The following GALNT13 variants were observed in gnomAD, a reference collection of about 807,000 sequenced individuals.
GALNT13 encodes UDP-GalNAc:polypeptide N-acetylgalactosaminyltransferase 13.
GALNT13 carries 28 observed loss-of-function variants against 64.2 expected under a neutral mutation model. That is an observed-to-expected ratio of 0.44 (90% CI 0.32 to 0.60). The LOEUF (loss-of-function observed/expected upper bound fraction) is 0.60, where lower values mean the gene tolerates loss of function less well. Ranked by LOEUF, GALNT13 falls within the 20% of genes least tolerant of loss-of-function variation. The pLI is 0.05. For missense variants in GALNT13, 577 were observed against 669.8 expected, an observed-to-expected ratio of 0.86 and a Z score of 1.53; for synonymous variants, 214 against 224.6, an observed-to-expected ratio of 0.95 and a Z score of 0.42.
chr2:153,462,361 A>C, the GALNT13 span, among the ~76,000 whole-genome samples: 8 of 152,210 alleles, frequency 5.3e-5, no homozygotes, highest in East Asian at 1.2e-3. Flanking sequence ...AGATGAAGGC[A>C]TTTTTTAAAT....
chr2:153,248,303 A>G, the GALNT13 span, among the ~76,000 whole-genome samples: 1 of 152,230 alleles, frequency 6.6e-6, no homozygotes, highest in Non-Finnish European at 1.5e-5. Flanking sequence ...AATCGATGTG[A>G]AAATCCTCAA....
At chr2:154,216,984 G>A (rs970927386) in intron 4 of GALNT13, among the ~76,000 whole-genome samples, 8 of 150,292 alleles carry the variant, frequency 5.3e-5, no homozygotes, top group Non-Finnish European at 7.4e-5. Context: ...TTAGAGATGG[G>A]GTCTTGCTGT....
chr2:153,126,338 A>ATATT, the GALNT13 span, among the ~76,000 whole-genome samples: 8 of 64,186 alleles, frequency 1.2e-4, no homozygotes, highest in African/African-American at 3.6e-4. Context: ...ATATATATAT[A>ATATT]TATATATATG....
chr2:153,240,333 T>G, the GALNT13 span, among the ~76,000 whole-genome samples: 1 of 152,206 alleles, frequency 6.6e-6, no homozygotes, highest in Non-Finnish European at 1.5e-5. Context: ...TGTGAATTGC[T>G]CTTTCTGTAT....
intron 3 of GALNT13, among the ~76,000 whole-genome samples, chr2:154,019,498 G>C (rs1464493638): frequency 1.3e-5 from 2 of 151,350 alleles, no homozygotes; most frequent in Non-Finnish European, 2.9e-5. Flanking sequence ...GCTGGGTGTG[G>C]TGACGCACAC....
At chr2:154,124,736 A>G (rs1427598301) in intron 3 of GALNT13, among the ~76,000 whole-genome samples, 1 of 152,088 alleles carries the variant, frequency 6.6e-6, no homozygotes, top group Non-Finnish European at 1.5e-5. Flanking sequence ...TAAATCAATG[A>G]CCATGAGGTT....
At chr2:153,552,234 A>C in the GALNT13 span, among the ~76,000 whole-genome samples, 1 of 152,240 alleles carries the variant, frequency 6.6e-6, no homozygotes, top group African/African-American at 2.4e-5. Flanking sequence ...AAAAGGCTTT[A>C]GAATAGTGAA....
chr2:153,447,395 A>G, the GALNT13 span, among the ~76,000 whole-genome samples: 1 of 152,180 alleles, frequency 6.6e-6, no homozygotes, highest in South Asian at 2.1e-4. Flanking sequence ...AGATAGGAGC[A>G]CTGATTATTT....
At chr2:154,227,646 C>G (rs1021959081) in intron 4 of GALNT13, among the ~76,000 whole-genome samples, 1 of 151,480 alleles carries the variant, frequency 6.6e-6, no homozygotes, top group Non-Finnish European at 1.5e-5. Flanking sequence ...CATGTCCCTA[C>G]GAAGGACATG....
chr2:153,241,657 ATGTGTATGTGTG>A, the GALNT13 span, among the ~76,000 whole-genome samples: 13 of 150,862 alleles, frequency 8.6e-5, no homozygotes, highest in Admixed American at 3.3e-4. Flanking sequence ...CTGTGTGTGT[ATGTGTATGTGTG>A]TGTGTGTGTA....
At chr2:153,345,772 T>TC in the GALNT13 span, among the ~76,000 whole-genome samples, 1 of 146,922 alleles carries the variant, frequency 6.8e-6, no homozygotes, top group Non-Finnish European at 1.5e-5. Context: ...CTTCCTTCCT[T>TC]CTTTCTCTCT....
In GALNT13 at chr2:154,196,922, G is replaced by A. The variant is rs1448413637; in HGVS notation, c.312-45108G>A. Among the ~76,000 whole-genome samples, 5 of 152,110 alleles carry A rather than the reference G, an allele frequency of 3.3e-5. No individual in the cohort carries two copies. In the East Asian group the frequency reaches 9.6e-4, roughly 29 times the overall value. On this transcript the variant is annotated intron_variant, in intron 4 of 12. Coordinates refer to ENST00000392825, the MANE Select transcript of GALNT13 (RefSeq NM_052917.4). ...GCATCATGGGTTCTAATCTTGATTGGTTTTTACTATTATTATATGTGTCCT... is the reference window on the plus strand; with the variant it reads ...GCATCATGGGTTCTAATCTTGATTGATTTTTACTATTATTATATGTGTCCT...
chr2:154,120,127 G>A (rs1448586441), intron 3 of GALNT13, among the ~76,000 whole-genome samples: 2 of 152,206 alleles, frequency 1.3e-5, no homozygotes, highest in East Asian at 3.9e-4. Flanking sequence ...TATAGCCTGT[G>A]ATTCTGGAAT....
At chr2:154,315,722 T>C (rs1160007814) in intron 9 of GALNT13, among the ~76,000 whole-genome samples, 1 of 152,232 alleles carries the variant, frequency 6.6e-6, no homozygotes, top group Non-Finnish European at 1.5e-5. Flanking sequence ...TACAAATTGA[T>C]TTAACTGGAG....
chr2:153,965,219 T>C (rs1693247375), intron 3 of GALNT13, among the ~76,000 whole-genome samples: 1 of 152,188 alleles, frequency 6.6e-6, no homozygotes, highest in African/African-American at 2.4e-5. Context: ...AATTCCTCTC[T>C]TCTAGTTATT....
At chr2:153,281,504 T>C in the GALNT13 span, among the ~76,000 whole-genome samples, 1 of 152,220 alleles carries the variant, frequency 6.6e-6, no homozygotes, top group East Asian at 1.9e-4. Context: ...AGTGTGTTTA[T>C]GTGGCAGTAG....
the GALNT13 span, among the ~76,000 whole-genome samples, chr2:153,572,010 G>A: frequency 6.6e-6 from 1 of 151,548 alleles, no homozygotes; most frequent in African/African-American, 2.4e-5. Flanking sequence ...TAGAATAGTT[G>A]GGTAGGGTTA....
intron 10 of GALNT13, among the ~76,000 whole-genome samples, chr2:154,408,725 T>G (rs554418130): frequency 1.3e-5 from 2 of 152,062 alleles, no homozygotes; most frequent in Admixed American, 6.6e-5. Context: ...GATACTATGC[T>G]ATAAACAGGG....
chr2:154,068,662 A>T (rs1026990942), intron 3 of GALNT13, among the ~76,000 whole-genome samples: 2 of 152,000 alleles, frequency 1.3e-5, no homozygotes, highest in Non-Finnish European at 2.9e-5. Flanking sequence ...TATTTGTGAG[A>T]GCTAAAAATT....
Sources: allele counts gnomAD v4.1 joint callset (sites outside exome capture counted in the v4.1 genomes callset), GRCh38; gene constraint gnomAD v4.1.1; transcripts MANE v1.5; gene names NCBI Gene and HGNC (gene_info 2026-07-23, HGNC 2026-07-21).